The following ROBO1 variants were observed in gnomAD, a reference collection of about 807,000 sequenced individuals.
ROBO1 encodes the protein roundabout homolog 1.
ROBO1 carries 149 observed loss-of-function variants against 195.9 expected under a neutral mutation model. The ratio of observed to expected loss-of-function variants is 0.76; its 90% confidence interval spans 0.67 to 0.87. ROBO1 has a LOEUF of 0.87. Among genes scored for constraint, ROBO1 ranks in the 40% least tolerant of loss-of-function variants. The pLI is 0.00. For synonymous variants in ROBO1, 816 were observed against 733.2 expected (o/e 1.11, Z -1.82); for missense variants, 1,933 against 2,068.3 (o/e 0.93, Z 1.27).
At chr3:78,666,348 A>G (rs1325503209) in intron 14 of ROBO1, among the ~76,000 whole-genome samples, 1 of 152,216 alleles carries the variant, frequency 6.6e-6, no homozygotes, top group African/African-American at 2.4e-5. Context: ...GACTAAATGA[A>G]TGTTCAGACA....
chr3:79,651,220 G>C (rs975333843), intron 1 of ROBO1, among the ~76,000 whole-genome samples: 18 of 151,960 alleles, frequency 1.2e-4, no homozygotes, highest in African/African-American at 4.1e-4. Flanking sequence ...GGAGAAGAAG[G>C]GAATCACAAG....
intron 2 of ROBO1, among the ~76,000 whole-genome samples, chr3:79,575,396 TATATAA>T (rs1194405907): frequency 7.9e-6 from 1 of 126,550 alleles, no homozygotes; most frequent in East Asian, 2.2e-4. Flanking sequence ...ATAACAAATA[TATATAA>T]ATATAGATAA....
chr3:79,209,182 T>C (rs903116315), intron 2 of ROBO1, among the ~76,000 whole-genome samples: 1 of 152,026 alleles, frequency 6.6e-6, no homozygotes, highest in African/African-American at 2.4e-5. Context: ...CCACACCAAG[T>C]CCCCAAAGTC....
intron 2 of ROBO1, among the ~76,000 whole-genome samples, chr3:79,523,908 G>T (rs565262907): frequency 5.9e-5 from 9 of 152,318 alleles, no homozygotes; most frequent in Admixed American, 5.9e-4. Flanking sequence ...CTGCCCAGAA[G>T]AATTATGATT....
intron 4 of ROBO1, among the ~76,000 whole-genome samples, chr3:78,790,684 A>G (rs1377203461): frequency 6.6e-6 from 1 of 152,208 alleles, no homozygotes; most frequent in Non-Finnish European, 1.5e-5. Flanking sequence ...AAAAGGTATT[A>G]TCTCATAAAA....
At chr3:79,397,207 A>G (rs2037189136) in intron 2 of ROBO1, among the ~76,000 whole-genome samples, 1 of 150,770 alleles carries the variant, frequency 6.6e-6, no homozygotes, top group African/African-American at 2.4e-5. Flanking sequence ...GTGTATATAT[A>G]AAATTAATAA....
At chr3:79,448,867 C>A (rs1361167004) in intron 2 of ROBO1, among the ~76,000 whole-genome samples, 3 of 152,142 alleles carry the variant, frequency 2.0e-5, no homozygotes, top group African/African-American at 7.2e-5. Flanking sequence ...TTCATTGATA[C>A]CTCCATTATT....
chr3:79,190,137 TATATA>T (rs894740497), intron 2 of ROBO1, among the ~76,000 whole-genome samples: 6 of 151,610 alleles, frequency 4.0e-5, no homozygotes, highest in African/African-American at 7.3e-5. Context: ...TACAAATAAT[TATATA>T]ATATATTTTA....
At chr3:79,128,255 G>C (rs2080254270) in intron 2 of ROBO1, among the ~76,000 whole-genome samples, 1 of 152,110 alleles carries the variant, frequency 6.6e-6, no homozygotes, top group African/African-American at 2.4e-5. Flanking sequence ...AACAGGTTCA[G>C]CTGCAATTGG....
chr3:79,686,857 GA>G (rs1231078407), intron 1 of ROBO1, among the ~76,000 whole-genome samples: 1 of 152,060 alleles, frequency 6.6e-6, no homozygotes, highest in Non-Finnish European at 1.5e-5. Flanking sequence ...CACAGAATTG[GA>G]AAAAACTACT....
intron 2 of ROBO1, among the ~76,000 whole-genome samples, chr3:79,266,994 C>A (rs952069483): frequency 1.2e-4 from 18 of 151,474 alleles, no homozygotes; most frequent in African/African-American, 4.3e-4. Context: ...ATTATTTAGT[C>A]CCTCTTGGTG....
chr3:79,085,640 A>C (rs2079354107), intron 3 of ROBO1, among the ~76,000 whole-genome samples: 1 of 152,176 alleles, frequency 6.6e-6, no homozygotes, highest in Non-Finnish European at 1.5e-5. Flanking sequence ...TTTTGTGTCA[A>C]TAGCACTAAA....
chr3:78,621,924 A>G (rs78334557), intron 26 of ROBO1, among the ~76,000 whole-genome samples: 9,123 of 152,230 alleles, frequency 0.06, 443 homozygotes, highest in African/African-American at 0.13. Context: ...TTCTAACACC[A>G]GTGTAGCTTC....
intron 2 of ROBO1, among the ~76,000 whole-genome samples, chr3:79,579,499 G>T (rs9825205): frequency 6.6e-6 from 1 of 151,848 alleles, no homozygotes; most frequent in Non-Finnish European, 1.5e-5. Flanking sequence ...AAATTGCCAA[G>T]TCTTTTGGAA....
chr3:79,702,115 A>G (rs1947638858), intron 1 of ROBO1, among the ~76,000 whole-genome samples: 1 of 151,874 alleles, frequency 6.6e-6, no homozygotes, highest in Non-Finnish European at 1.5e-5. Flanking sequence ...CGTTGAAACT[A>G]GTGATATAAA....
intron 4 of ROBO1, among the ~76,000 whole-genome samples, chr3:78,906,570 T>C (rs1261205607): frequency 1.3e-5 from 2 of 152,090 alleles, no homozygotes; most frequent in Non-Finnish European, 2.9e-5. Flanking sequence ...GGACCAAATA[T>C]GTATGAGTAC....
intron 1 of ROBO1, among the ~76,000 whole-genome samples, chr3:79,763,619 A>T (rs9830350): frequency 5.9e-5 from 9 of 152,144 alleles, no homozygotes; most frequent in South Asian, 2.1e-4. Flanking sequence ...CTGGATCCTT[A>T]GCAGGCATCC....
At chr3:79,149,547 T>G (rs2080723421) in intron 2 of ROBO1, among the ~76,000 whole-genome samples, 1 of 144,256 alleles carries the variant, frequency 6.9e-6, no homozygotes, top group South Asian at 2.1e-4. Flanking sequence ...GTTGTTGTTT[T>G]TGTCTTTCAG....
At chr3:79,676,678 G>A (rs1311164697) in intron 1 of ROBO1, among the ~76,000 whole-genome samples, 56 of 151,996 alleles carry the variant, frequency 3.7e-4, no homozygotes, top group Non-Finnish European at 7.4e-5. Flanking sequence ...TAGACAACAA[G>A]AAAGAGGCTT....
Sources: gnomAD v4.1 joint callset for allele counts (sites outside exome capture counted in the v4.1 genomes callset) on GRCh38, gnomAD v4.1.1 for gene constraint, MANE v1.5 for transcripts, NCBI Gene and HGNC (gene_info 2026-07-23, HGNC 2026-07-21) for gene names.